The following MSI2 variants were observed in gnomAD, a reference collection of about 807,000 sequenced individuals.
The protein encoded by MSI2 is RNA-binding protein Musashi homolog 2.
In MSI2, 17 loss-of-function variants were observed where a neutral mutation model predicts 45.6. That is an observed-to-expected ratio of 0.37 (90% confidence interval 0.26 to 0.56). The LOEUF (loss-of-function observed/expected upper bound fraction) is 0.56, where lower values mean the gene tolerates loss of function less well. Ranked by LOEUF, MSI2 falls within the 20% of genes least tolerant of loss-of-function variation. The pLI is 0.77. For missense variants in MSI2, 293 were observed against 444.2 expected (o/e 0.66, Z 3.06); for synonymous variants, 156 against 158.2 (o/e 0.99, Z 0.11).
At position 57,439,880 on chromosome 17, in the gene MSI2, T is replaced by C. The variant is rs115769231; in HGVS notation, c.405+38409T>C. Among the ~76,000 whole-genome samples the C allele has an allele frequency of 7.2e-3, 1,087 of 152,020 alleles. 18 individuals are homozygous for C. Among genetic ancestry groups the C allele is most frequent in the African/African-American group, 0.025 (1,019 of 41,444 alleles). ...AGTGTGTGAGGGCCAGAGGGGAAAA[T>C]TGAAACAATGAAGAGAATTGAGAAA... On this transcript the variant is annotated intron_variant, in intron 6 of 13. Coordinates refer to ENST00000284073, the MANE Select transcript of MSI2 (RefSeq NM_138962.4).
At chr17:57,428,898 A>G (rs1426126850) in intron 6 of MSI2, among the ~76,000 whole-genome samples, 1 of 152,018 alleles carries the variant, frequency 6.6e-6, no homozygotes, top group Non-Finnish European at 1.5e-5. Flanking sequence ...GTAATAATAT[A>G]TTTACCAGCC....
chr17:57,473,431 G>A (rs1284219212), intron 6 of MSI2, among the ~76,000 whole-genome samples: 2 of 151,896 alleles, frequency 1.3e-5, no homozygotes, highest in African/African-American at 4.8e-5. Flanking sequence ...ATCTGATCCA[G>A]CCCAGAGCCT....
At chr17:57,625,799 G>A (rs1158422437) in intron 9 of MSI2, 1 of 152,422 alleles carries the variant, frequency 6.6e-6, no homozygotes. Flanking sequence ...AGGATGGCTG[G>A]AGAACAGGAC....
chr17:57,486,558 A>T (rs906048269), intron 6 of MSI2, among the ~76,000 whole-genome samples: 1 of 152,192 alleles, frequency 6.6e-6, no homozygotes, highest in Non-Finnish European at 1.5e-5. Context: ...TATGGGATTT[A>T]TATTACCCAC....
At chr17:57,304,979 C>G (rs567763121) in intron 5 of MSI2, among the ~76,000 whole-genome samples, 1 of 151,944 alleles carries the variant, frequency 6.6e-6, no homozygotes, top group African/African-American at 2.4e-5. Context: ...TTTTGTGGGA[C>G]GGGGGGATAC....
intron 5 of MSI2, among the ~76,000 whole-genome samples, chr17:57,331,947 G>C (rs1192754085): frequency 6.6e-6 from 1 of 152,146 alleles, no homozygotes; most frequent in Non-Finnish European, 1.5e-5. Context: ...AAAAATATCA[G>C]TGATGACATT....
intron 6 of MSI2, among the ~76,000 whole-genome samples, chr17:57,502,636 T>TATATATATATATATATATATATCATAG: frequency 2.1e-5 from 2 of 96,934 alleles, no homozygotes; most frequent in Middle Eastern, 6.0e-3. Flanking sequence ...TATATATATA[T>TATATATATATATATATATATATCATAG]AGTCATCATT....
chr17:57,357,279 C>T (rs886618072), intron 5 of MSI2, among the ~76,000 whole-genome samples: 1 of 152,146 alleles, frequency 6.6e-6, no homozygotes, highest in Non-Finnish European at 1.5e-5. Context: ...TCTGGTCTCC[C>T]GAGTGACAGC....
At chr17:57,376,017 G>C (rs1485116906) in intron 5 of MSI2, among the ~76,000 whole-genome samples, 1 of 152,158 alleles carries the variant, frequency 6.6e-6, no homozygotes, top group Admixed American at 6.5e-5. Flanking sequence ...TTATCTTCCT[G>C]AGAGAAGATT....
chr17:57,518,827 G>A (rs572416274), intron 6 of MSI2, among the ~76,000 whole-genome samples: 5 of 152,352 alleles, frequency 3.3e-5, no homozygotes, highest in African/African-American at 9.6e-5. Flanking sequence ...CACAGCAGCC[G>A]CCACTTGAAG....
chr17:57,571,439 C>T (rs894045138), intron 7 of MSI2, among the ~76,000 whole-genome samples: 1 of 152,106 alleles, frequency 6.6e-6, no homozygotes, highest in Non-Finnish European at 1.5e-5. Context: ...CCACCAGGCC[C>T]CGCTCCTCCC....
chr17:57,367,935 T>G (rs958980722), intron 5 of MSI2, among the ~76,000 whole-genome samples: 2 of 151,722 alleles, frequency 1.3e-5, no homozygotes, highest in African/African-American at 2.4e-5. Context: ...GAGCCACAGG[T>G]GGTTTTGTAG....
At chr17:57,632,722 C>T (rs1406477269) in intron 10 of MSI2, 12 of 1,065,666 alleles carry the variant, frequency 1.1e-5, no homozygotes, top group Non-Finnish European at 1.4e-5. Context: ...GGAATAATGA[C>T]GTACCACTCA....
In MSI2 at chr17:57,262,033, A is replaced by G. The variant is rs187291215; in HGVS notation, c.271-118A>G. The G allele has an allele frequency of 1.2e-4, 132 of 1,068,008 alleles. 3 individuals are homozygous for G. The African/African-American group carries it at 1.7e-3, about 14-fold the overall frequency. 66.2% of individuals were successfully genotyped at this position (1,068,008 alleles called of 1,614,324 possible). A position where few individuals can be genotyped will look rare whatever the true frequency, so the allele number is the denominator to read the frequency against. On this transcript the variant is annotated intron_variant, in intron 4 of 13. Transcript: ENST00000284073. ...TAAGAAACTTTTGAGTTGCCTGAGAAGTTACTAAAAGCTGGATTATAAGCC... is the reference window on the plus strand; with the variant it reads ...TAAGAAACTTTTGAGTTGCCTGAGAGGTTACTAAAAGCTGGATTATAAGCC...
intron 5 of MSI2, among the ~76,000 whole-genome samples, chr17:57,306,139 C>T (rs1911867389): frequency 6.6e-6 from 1 of 151,886 alleles, no homozygotes; most frequent in African/African-American, 2.4e-5. Context: ...GGGGAAGCAA[C>T]TGGGAGCCTC....
At chr17:57,437,184 C>T (rs928128731) in intron 6 of MSI2, among the ~76,000 whole-genome samples, 2 of 152,184 alleles carry the variant, frequency 1.3e-5, no homozygotes, top group African/African-American at 4.8e-5. Flanking sequence ...TGGGCAGTAA[C>T]CTTACTTTTG....
intron 5 of MSI2, chr17:57,286,047 C>T: frequency 7.0e-7 from 1 of 1,431,832 alleles, no homozygotes; most frequent in Non-Finnish European, 9.2e-7. Flanking sequence ...TATTAGCTAG[C>T]CAGCCTCTTT....
In MSI2 at chr17:57,384,991, T is replaced by C. The variant is rs564893774; in HGVS notation, c.313-16388T>C. Among the ~76,000 whole-genome samples, 5 of 152,348 alleles carry C rather than the reference T, an allele frequency of 3.3e-5. No homozygotes were observed. The South Asian group carries it at 1.0e-3, about 32-fold the overall frequency. Reference sequence around the variant, plus strand: ...CTTCCCTCTCCCTCCTTTCTGCCTTTGGCCATTTACCCAGTCCTGATAATT... The same window carrying C: ...CTTCCCTCTCCCTCCTTTCTGCCTTCGGCCATTTACCCAGTCCTGATAATT... On this transcript the variant is annotated intron_variant, in intron 5 of 13. Transcript: ENST00000284073.
At chr17:57,514,124 T>C (rs775795076) in intron 6 of MSI2, among the ~76,000 whole-genome samples, 1 of 152,192 alleles carries the variant, frequency 6.6e-6, no homozygotes, top group South Asian at 2.1e-4. Context: ...GTGTAGTAAA[T>C]CTACCAGGAA....
Sources: allele counts gnomAD v4.1 joint callset (sites outside exome capture counted in the v4.1 genomes callset), GRCh38; gene constraint gnomAD v4.1.1; transcripts MANE v1.5; gene names NCBI Gene and HGNC (gene_info 2026-07-23, HGNC 2026-07-21).